Variants in RIMKLB observed in about 807,000 individuals in gnomAD.
The protein encoded by RIMKLB is ribosomal modification protein rimK like family member B.
Under a neutral mutation model 32.0 loss-of-function variants are expected in RIMKLB, and 7 were observed. The observed-to-expected ratio is 0.22, with a 90% CI of 0.12 to 0.41. RIMKLB has a LOEUF of 0.41. RIMKLB is among the 10% of genes least tolerant of loss of function. The pLI is 1.00. For missense variants in RIMKLB, 289 were observed against 498.7 expected (o/e 0.58, Z 4.00); for synonymous variants, 172 against 185.1 (o/e 0.93, Z 0.57).
intron 1 of RIMKLB, among the ~76,000 whole-genome samples, chr12:8,708,266 T>C (rs1379261023): frequency 6.6e-6 from 1 of 152,190 alleles, no homozygotes; most frequent in Admixed American, 6.5e-5. Context: ...TAGTAAGAGG[T>C]ACCTTAATAT....
rs1168581780 is a variant in RIMKLB at position 8,776,926 on chromosome 12, T to TC, written c.*3146dup. 1 of 985,704 alleles carries TC rather than the reference T, an allele frequency of 1.0e-6. No individual in the cohort carries two copies. The highest frequency in any genetic ancestry group is 1.2e-6 in the Non-Finnish European group (1 of 829,898). The allele number at this position is 985,704 out of a possible 1,614,324, so 61.1% of individuals were successfully genotyped here. ...AAGCAAATTTGTTTCATTCAGTGAA[T>TC]CCCCAGTTTGGGGCTTGTGGGGCTT... On this transcript the variant is annotated 3_prime_UTR_variant, in exon 6 of 6. Coordinates refer to ENST00000535829, the MANE Select transcript of RIMKLB (RefSeq NM_001297776.2).
In RIMKLB at chr12:8,754,024, G is replaced by A; in HGVS notation, c.628G>A (p.Gly210Arg). The stretch of plus-strand genomic sequence containing the variant: ...ACGGGATGTACGTGTCATTGTCGTG[G>A]GAGGCCGTGTGGTTGGCACCATGTT... The part of the protein sequence containing the change: ...HGRDVRVIVV[G>R]GRVVGTMLRC... The change falls in exon 5 of 6, where the codon GGA becomes AGA. Residue 210 changes from glycine to arginine, a missense_variant. This residue lies in a region of RIMKLB where 156 missense variants were observed against 329.5 expected (regional missense o/e 0.47). Coordinates refer to ENST00000535829, the MANE Select transcript of RIMKLB (RefSeq NM_001297776.2). 6.2e-7 allele frequency: 1 copy of A among 1,614,038 alleles called. No homozygotes were observed. The highest frequency in any genetic ancestry group is 8.5e-7 in the Non-Finnish European group (1 of 1,179,918).
At chr12:8,723,982 AGTTTT>A (rs75784732) in intron 2 of RIMKLB, among the ~76,000 whole-genome samples, 5,156 of 150,910 alleles carry the variant, frequency 0.034, 281 homozygotes, top group African/African-American at 0.12. Flanking sequence ...TGCCTGGCTA[AGTTTT>A]GTTTTGTTTT....
At chr12:8,731,300 G>A (rs961966289) in intron 2 of RIMKLB, among the ~76,000 whole-genome samples, 17 of 151,708 alleles carry the variant, frequency 1.1e-4, no homozygotes, top group African/African-American at 3.9e-4. Context: ...GTTTCGCCAC[G>A]TTGGCCAGGC....
rs146230181 is a variant in RIMKLB, at chr12:8,749,552, C to G, written c.176-310C>G. ...TGTATGCACAAATAAAACTTTTTCTCAGATTTGCCCTTTAAAATAAAAACT... is the reference window on the plus strand; with the variant it reads ...TGTATGCACAAATAAAACTTTTTCTGAGATTTGCCCTTTAAAATAAAAACT... On this transcript the variant is annotated intron_variant, in intron 2 of 5. Coordinates refer to ENST00000535829, the MANE Select transcript of RIMKLB (RefSeq NM_001297776.2). Among the ~76,000 whole-genome samples the G allele has an allele frequency of 9.9e-5, 15 of 152,272 alleles. No homozygotes were observed. In the East Asian group the frequency reaches 2.3e-3, roughly 23 times the overall value.
upstream of RIMKLB, among the ~76,000 whole-genome samples, chr12:8,676,954 G>A (rs753705220): frequency 5.3e-5 from 8 of 152,056 alleles, no homozygotes; most frequent in African/African-American, 1.4e-4. Context: ...GTCACCACTC[G>A]GGCATGAGAG....
intron 2 of RIMKLB, among the ~76,000 whole-genome samples, chr12:8,744,752 C>T (rs909149235): frequency 1.3e-5 from 2 of 151,748 alleles, no homozygotes; most frequent in Admixed American, 6.6e-5. Context: ...CCTCTGCCTC[C>T]TAGGTTCAAG....
chr12:8,701,836 C>G (rs1943429372), intron 1 of RIMKLB, among the ~76,000 whole-genome samples: 3 of 151,824 alleles, frequency 2.0e-5, no homozygotes, highest in Admixed American at 1.3e-4. Flanking sequence ...AAAACCCCAT[C>G]TCTACTAAAA....
At chr12:8,726,772 G>C (rs1315462996) in intron 2 of RIMKLB, among the ~76,000 whole-genome samples, 2 of 151,476 alleles carry the variant, frequency 1.3e-5, no homozygotes, top group Non-Finnish European at 2.9e-5. Flanking sequence ...GACAATCTCT[G>C]TATTTTAATT....
At chr12:8,711,381 T>G (rs1591680936) in intron 1 of RIMKLB, among the ~76,000 whole-genome samples, 1 of 151,882 alleles carries the variant, frequency 6.6e-6, no homozygotes. Context: ...CCTGGGTGAC[T>G]GAAACCATGT....
intron 5 of RIMKLB, among the ~76,000 whole-genome samples, chr12:8,759,918 A>G (rs1486744027): frequency 6.6e-6 from 1 of 152,176 alleles, no homozygotes; most frequent in Non-Finnish European, 1.5e-5. Context: ...GTCAGATTTT[A>G]TCCTGTGCCA....
At chr12:8,715,687 T>G (rs973091845) in intron 2 of RIMKLB, among the ~76,000 whole-genome samples, 3 of 152,216 alleles carry the variant, frequency 2.0e-5, no homozygotes, top group Non-Finnish European at 2.9e-5. Flanking sequence ...TCATTAAGTA[T>G]TATTTGAGCA....
intron 2 of RIMKLB, among the ~76,000 whole-genome samples, chr12:8,724,984 T>C (rs990782127): frequency 6.6e-6 from 1 of 152,224 alleles, no homozygotes; most frequent in African/African-American, 2.4e-5. Context: ...ATTTCCATGC[T>C]ACACCCAGGT....
intron 1 of RIMKLB, among the ~76,000 whole-genome samples, chr12:8,703,364 C>T (rs1943571854): frequency 1.3e-5 from 2 of 152,144 alleles, no homozygotes; most frequent in Non-Finnish European, 2.9e-5. Flanking sequence ...TTTGCTTTGT[C>T]ACCCAGGCTG....
At chr12:8,734,990 G>C (rs990176223) in intron 2 of RIMKLB, among the ~76,000 whole-genome samples, 2 of 151,972 alleles carry the variant, frequency 1.3e-5, no homozygotes, top group South Asian at 4.1e-4. Context: ...TTCACTTCAG[G>C]GGAAAATGAG....
upstream of RIMKLB, among the ~76,000 whole-genome samples, chr12:8,693,475 C>T (rs1370346179): frequency 6.6e-6 from 1 of 151,454 alleles, no homozygotes; most frequent in East Asian, 1.9e-4. Flanking sequence ...CAGCTCACTG[C>T]AACACCCGCC....
Position 8,713,814 on chromosome 12 carries a change from G to A in RIMKLB, c.-53G>A. 1.3e-6 allele frequency: 2 copies of A among 1,572,646 alleles called. No homozygotes were observed. Among genetic ancestry groups the A allele is most frequent in the Non-Finnish European group, 1.8e-6 (2 of 1,142,388 alleles). On this transcript the variant is annotated 5_prime_UTR_variant, in exon 2 of 6. Coordinates refer to ENST00000535829, the MANE Select transcript of RIMKLB (RefSeq NM_001297776.2). ...GTATATTTTTTCTTCCATCTAGGTA[G>A]ACGTTACATCCAAGAGGAAATAATC... is the stretch of plus-strand genomic sequence containing the variant.
At chr12:8,695,985 G>C (rs903222049), upstream of RIMKLB, among the ~76,000 whole-genome samples, 1 of 152,162 alleles carries the variant, frequency 6.6e-6, no homozygotes, top group Non-Finnish European at 1.5e-5. Context: ...GAGCCACCGC[G>C]CCCTGCCCTG....
intron 1 of RIMKLB, among the ~76,000 whole-genome samples, chr12:8,698,705 C>T (rs1269808656): frequency 8.0e-6 from 1 of 124,512 alleles, no homozygotes; most frequent in Non-Finnish European, 1.8e-5. Flanking sequence ...CGACACTCCC[C>T]CTCCCCCCCC....
Sources: allele counts gnomAD v4.1 joint callset (sites outside exome capture counted in the v4.1 genomes callset), GRCh38; gene constraint gnomAD v4.1.1; regional missense constraint gnomAD v4.1.1; transcripts MANE v1.5; gene names NCBI Gene and HGNC (gene_info 2026-07-23, HGNC 2026-07-21).